Variants in GLIS1 observed in about 807,000 individuals in gnomAD.
GLIS1 encodes zinc finger protein GLIS1.
Under a neutral mutation model 63.8 loss-of-function variants are expected in GLIS1, and 24 were observed. The ratio of observed to expected loss-of-function variants is 0.38; its 90% confidence interval spans 0.27 to 0.53. GLIS1 has a LOEUF of 0.53. GLIS1 is among the 20% of genes least tolerant of loss of function. The probability of loss-of-function intolerance (pLI) is 0.85; values close to 1 mark genes in which losing one functional copy is unlikely to be tolerated. For missense variants in GLIS1, 1,036 were observed against 1,074.1 expected (o/e 0.96, Z 0.50); for synonymous variants, 450 against 482.5 (o/e 0.93, Z 0.88).
At chr1:53,522,146 GC>G (rs1302770636) in intron 6 of GLIS1, among the ~76,000 whole-genome samples, 3 of 152,268 alleles carry the variant, frequency 2.0e-5, no homozygotes, top group Non-Finnish European at 4.4e-5. Context: ...CTTGTAGACC[GC>G]AATGTCGATC....
intron 2 of GLIS1, among the ~76,000 whole-genome samples, chr1:53,603,025 A>G (rs1221425991): frequency 1.3e-5 from 2 of 152,254 alleles, no homozygotes; most frequent in Non-Finnish European, 2.9e-5. Flanking sequence ...TCACACAGGG[A>G]AGAAGGGACT....
At chr1:53,552,384 C>T (rs1413149583) in intron 4 of GLIS1, among the ~76,000 whole-genome samples, 1 of 152,198 alleles carries the variant, frequency 6.6e-6, no homozygotes, top group Non-Finnish European at 1.5e-5. Flanking sequence ...ACAGCCAGCT[C>T]CCGCCAGGCC....
chr1:53,529,999 C>T, intron 4 of GLIS1, 47 bp from the exon 5 acceptor site: 1 of 1,582,270 alleles, frequency 6.3e-7, no homozygotes, highest in Non-Finnish European at 8.6e-7. Context: ...GTGGGCACCC[C>T]AACCCTGCAT....
At chr1:53,686,294 G>A (rs1484080521) in intron 2 of GLIS1, among the ~76,000 whole-genome samples, 1 of 152,156 alleles carries the variant, frequency 6.6e-6, no homozygotes, top group Non-Finnish European at 1.5e-5. Context: ...TCAGACCGTG[G>A]CCCCTTGTTA....
intron 2 of GLIS1, among the ~76,000 whole-genome samples, chr1:53,731,342 C>T (rs954405599): frequency 2.6e-5 from 4 of 152,194 alleles, no homozygotes; most frequent in Non-Finnish European, 5.9e-5. Context: ...CCCTGTAAGT[C>T]GCACCTCAGC....
intron 2 of GLIS1, among the ~76,000 whole-genome samples, chr1:53,728,712 TAAAAAGA>T (rs1646829355): frequency 6.6e-6 from 1 of 152,148 alleles, no homozygotes; most frequent in African/African-American, 2.4e-5. Flanking sequence ...CAAAGATGAA[TAAAAAGA>T]AGCCCACAGA....
At chr1:53,657,995 C>T (rs1231768315) in intron 2 of GLIS1, among the ~76,000 whole-genome samples, 1 of 152,134 alleles carries the variant, frequency 6.6e-6, no homozygotes, top group Non-Finnish European at 1.5e-5. Flanking sequence ...TGGTCTCCAG[C>T]AACCTTGCTG....
At chr1:53,577,681 AGCTTGTGTGCCCCTG>A (rs1191406876) in intron 4 of GLIS1, among the ~76,000 whole-genome samples, 4 of 152,118 alleles carry the variant, frequency 2.6e-5, no homozygotes, top group African/African-American at 9.7e-5. Context: ...GTAGGCTCTA[AGCTTGTGTGCCCCTG>A]GAGGACCTGG....
At chr1:53,570,653 T>TTA (rs1261263824) in intron 4 of GLIS1, among the ~76,000 whole-genome samples, 2 of 152,164 alleles carry the variant, frequency 1.3e-5, no homozygotes, top group African/African-American at 4.8e-5. Flanking sequence ...GGCTCATAGA[T>TTA]ATACAGAGTC....
chr1:53,709,365 CATATATATAT>C (rs10594619), intron 2 of GLIS1, among the ~76,000 whole-genome samples: 10 of 12,500 alleles, frequency 8.0e-4, no homozygotes, highest in Middle Eastern at 0.031. Flanking sequence ...TATACATATA[CATATATATAT>C]ACATATATAC....
intron 4 of GLIS1, among the ~76,000 whole-genome samples, chr1:53,542,639 A>G (rs1179285653): frequency 2.0e-5 from 3 of 152,238 alleles, no homozygotes; most frequent in African/African-American, 7.2e-5. Context: ...ACGATGCTCC[A>G]GCTGGGACAG....
chr1:53,677,808 C>T (rs949695122), intron 2 of GLIS1, among the ~76,000 whole-genome samples: 17 of 152,202 alleles, frequency 1.1e-4, no homozygotes, highest in African/African-American at 3.1e-4. Context: ...CATCTGTAGG[C>T]GTTCCTCCAA....
chr1:53,676,011 T>C (rs777458884), intron 2 of GLIS1, among the ~76,000 whole-genome samples: 9 of 152,128 alleles, frequency 5.9e-5, no homozygotes, highest in Non-Finnish European at 1.0e-4. Flanking sequence ...ACAGTTAAGA[T>C]GTGAAATGTC....
At chr1:53,612,545 G>C (rs1645435379) in intron 2 of GLIS1, among the ~76,000 whole-genome samples, 1 of 151,940 alleles carries the variant, frequency 6.6e-6, no homozygotes, top group African/African-American at 2.4e-5. Flanking sequence ...TGGCCTGTTA[G>C]GCTTACTTTT....
chr1:53,628,739 C>G (rs1645622114), intron 2 of GLIS1, among the ~76,000 whole-genome samples: 1 of 152,112 alleles, frequency 6.6e-6, no homozygotes, highest in Non-Finnish European at 1.5e-5. Flanking sequence ...TGCTGATCAT[C>G]AGACTCAAAT....
intron 2 of GLIS1, among the ~76,000 whole-genome samples, chr1:53,618,511 T>C (rs1449708060): frequency 6.6e-6 from 1 of 152,178 alleles, no homozygotes; most frequent in African/African-American, 2.4e-5. Context: ...AAGCAGCACC[T>C]AGCAGTGTTT....
intron 4 of GLIS1, among the ~76,000 whole-genome samples, chr1:53,550,799 G>A (rs1644750171): frequency 6.6e-6 from 1 of 152,096 alleles, no homozygotes; most frequent in African/African-American, 2.4e-5. Flanking sequence ...TCCAAGACGA[G>A]GGGTGACAGG....
At chr1:53,520,793 G>A (rs1244717515) in intron 6 of GLIS1, 27 bp from the exon 7 acceptor site, 2 of 1,583,818 alleles carry the variant, frequency 1.3e-6, no homozygotes, top group East Asian at 2.3e-5. Context: ...GGGAAAGGAG[G>A]TGTTAGTGTG....
intron 2 of GLIS1, among the ~76,000 whole-genome samples, chr1:53,718,183 G>T (rs1235792119): frequency 6.6e-6 from 1 of 152,222 alleles, no homozygotes; most frequent in Non-Finnish European, 1.5e-5. Context: ...ACTCAGCATC[G>T]TTTTAATAAA....
Sources: allele counts gnomAD v4.1 joint callset (sites outside exome capture counted in the v4.1 genomes callset), GRCh38; gene constraint gnomAD v4.1.1; transcripts MANE v1.5; gene names NCBI Gene and HGNC (gene_info 2026-07-23, HGNC 2026-07-21).